The following PRH1 variants were observed in gnomAD, a reference collection of about 807,000 sequenced individuals.
PRH1 encodes salivary acidic proline-rich phosphoprotein 1/2.
PRH1 carries 7 observed loss-of-function variants against 7.9 expected under a neutral mutation model. The observed-to-expected ratio is 0.89, with a 90% CI of 0.50 to 1.67. The LOEUF (loss-of-function observed/expected upper bound fraction) is 1.67, where lower values mean the gene tolerates loss of function less well. Ranked by LOEUF, PRH1 falls within the 40% of genes most tolerant of loss-of-function variation. The pLI is 0.00. For missense variants in PRH1, 109 were observed against 223.6 expected (o/e 0.49, Z 3.27); for synonymous variants, 45 against 80.8 (o/e 0.56, Z 2.38).
chr12:11,163,658 A>G (rs945813972), intron 1 of PRH1, among the ~76,000 whole-genome samples: 1 of 152,268 alleles, frequency 6.6e-6, no homozygotes, highest in African/African-American at 2.4e-5. Flanking sequence ...GGAAATATCA[A>G]CATGAACTTA....
chr12:10,913,348 G>A (rs768786276), intron 2 of PRH1, among the ~76,000 whole-genome samples: 15 of 152,004 alleles, frequency 9.9e-5, no homozygotes, highest in East Asian at 1.9e-4. Flanking sequence ...CCAGCTACTC[G>A]GGAGGCAGAG....
intron 2 of PRH1, among the ~76,000 whole-genome samples, chr12:10,956,804 C>T (rs1035254752): frequency 6.6e-5 from 10 of 152,116 alleles, no homozygotes; most frequent in African/African-American, 2.4e-4. Flanking sequence ...AGAAGGCAAT[C>T]CCTTTCACAA....
chr12:10,894,643 T>C (rs1462211237), intron 2 of PRH1, among the ~76,000 whole-genome samples: 2 of 152,184 alleles, frequency 1.3e-5, no homozygotes, highest in East Asian at 1.9e-4. Context: ...CTAATGCTTA[T>C]GCAACATATT....
intron 2 of PRH1, among the ~76,000 whole-genome samples, chr12:10,952,383 C>G (rs977471014): frequency 1.5e-4 from 23 of 152,254 alleles, no homozygotes; most frequent in African/African-American, 5.3e-4. Flanking sequence ...ATAATGCAAC[C>G]CTCATCACGT....
At chr12:11,081,577 C>CT (rs1944502853) in intron 1 of PRH1, among the ~76,000 whole-genome samples, 2 of 97,466 alleles carry the variant, frequency 2.1e-5, no homozygotes, top group African/African-American at 3.2e-5. Flanking sequence ...ATGTGAGTAG[C>CT]TTTTTTTGGA....
intron 2 of PRH1, chr12:10,931,120 C>A: frequency 6.3e-7 from 1 of 1,580,606 alleles, no homozygotes; most frequent in Non-Finnish European, 8.6e-7. Context: ...GCTCCAACTG[C>A]TACAGTTCTC....
intron 1 of PRH1, among the ~76,000 whole-genome samples, chr12:11,066,289 C>A (rs1032084191): frequency 3.3e-5 from 5 of 152,136 alleles, no homozygotes; most frequent in Non-Finnish European, 7.4e-5. Flanking sequence ...CTCTGTTTGA[C>A]TATTTGGTCC....
chr12:11,162,891 A>C (rs1947456821), intron 1 of PRH1, among the ~76,000 whole-genome samples: 1 of 152,264 alleles, frequency 6.6e-6, no homozygotes, highest in Non-Finnish European at 1.5e-5. Context: ...CTTTAGCCTG[A>C]GTCAATCAAT....
chr12:11,120,393 G>A (rs1016458863), downstream of PRH1, among the ~76,000 whole-genome samples: 4 of 152,096 alleles, frequency 2.6e-5, no homozygotes, highest in Non-Finnish European at 5.9e-5. Flanking sequence ...AGAAGCTGGG[G>A]CTCCCCTTTT....
intron 1 of PRH1, chr12:10,986,466 A>G: frequency 6.2e-7 from 1 of 1,614,168 alleles, no homozygotes; most frequent in Non-Finnish European, 8.5e-7. Context: ...CCCCAACAGT[A>G]TCACCAGAAT....
chr12:11,171,581 C>G (rs938471014), upstream of PRH1: 5 of 1,230,658 alleles, frequency 4.1e-6, no homozygotes, highest in Non-Finnish European at 5.1e-6. Context: ...ACTAAGCTAA[C>G]GGCCTCCGGG....
intron 1 of PRH1, chr12:10,997,876 G>A: frequency 6.4e-7 from 1 of 1,567,632 alleles, no homozygotes; most frequent in Non-Finnish European, 8.6e-7. Context: ...AACTCATCAT[G>A]TCTAAACAAA....
At chr12:10,986,170 G>C (rs1293028879) in intron 1 of PRH1, 2 of 1,614,072 alleles carry the variant, frequency 1.2e-6, no homozygotes, top group African/African-American at 1.3e-5. Flanking sequence ...AAGGAGATCA[G>C]AGTTTGCAAA....
intron 1 of PRH1, among the ~76,000 whole-genome samples, chr12:11,156,721 T>C (rs780550228): frequency 2.6e-5 from 4 of 152,208 alleles, no homozygotes; most frequent in Non-Finnish European, 5.9e-5. Flanking sequence ...GTTATTTCTA[T>C]GGATAAATAA....
intron 2 of PRH1, among the ~76,000 whole-genome samples, chr12:10,972,928 A>ACCCCCCCCC (rs199859766): frequency 1.0e-4 from 10 of 100,322 alleles, no homozygotes; most frequent in South Asian, 3.3e-4. Flanking sequence ...AAGCACCACA[A>ACCCCCCCCC]CCCACCCCCC....
At position 11,074,705 on chromosome 12, in the gene PRH1, T is replaced by G. The variant is rs1224106342; in HGVS notation, n.124-27517A>C. On this transcript the variant is annotated intron_variant and non_coding_transcript_variant, in intron 1 of 4. Transcript: ENST00000541977. ...AGAAAAATGGGGGTATTGGTTAGTCTGACTTTCCCAAACAGCCACCAAGGG... is the reference window on the plus strand; with the variant it reads ...AGAAAAATGGGGGTATTGGTTAGTCGGACTTTCCCAAACAGCCACCAAGGG... 3.5e-5 allele frequency among the ~76,000 whole-genome samples: 4 copies of G among 114,938 alleles called. 1 individual carries two copies. The highest frequency in any genetic ancestry group is 1.7e-4 in the Admixed American group (2 of 11,532). 75.4% of individuals were successfully genotyped at this position (114,938 alleles called of 152,430 possible).
At chr12:11,072,417 T>C (rs183010164) in intron 1 of PRH1, among the ~76,000 whole-genome samples, 22 of 152,312 alleles carry the variant, frequency 1.4e-4, no homozygotes, top group Non-Finnish European at 2.8e-4. Flanking sequence ...ACATGGCAGC[T>C]GGCAGGACTC....
intron 1 of PRH1, among the ~76,000 whole-genome samples, chr12:11,014,873 G>T (rs1941220671): frequency 6.6e-6 from 1 of 152,104 alleles, no homozygotes. Context: ...CGGGGCAGAA[G>T]AAGGCTCTCA....
intron 1 of PRH1, among the ~76,000 whole-genome samples, chr12:11,164,259 GAAC>G (rs1947507278): frequency 6.6e-6 from 1 of 152,116 alleles, no homozygotes; most frequent in African/African-American, 2.4e-5. Flanking sequence ...GGCCCTAATA[GAAC>G]AAAAAGCTGG....
Sources: gnomAD v4.1 joint callset for allele counts (sites outside exome capture counted in the v4.1 genomes callset) on GRCh38, gnomAD v4.1.1 for gene constraint, MANE v1.5 for transcripts, NCBI Gene and HGNC (gene_info 2026-07-23, HGNC 2026-07-21) for gene names.